Variants in KMT2C observed in about 807,000 individuals in gnomAD.
KMT2C encodes lysine methyltransferase 2C, also known as histone-lysine N-methyltransferase 2C.
KMT2C carries 88 observed loss-of-function variants against 507.9 expected under a neutral mutation model. The observed-to-expected ratio is 0.17, with a 90% CI of 0.15 to 0.21. The LOEUF (loss-of-function observed/expected upper bound fraction) is 0.21. Among genes scored for constraint, KMT2C ranks in the 10% least tolerant of loss-of-function variants. The pLI, the probability that KMT2C is intolerant of heterozygous loss-of-function variation, is 1.00. For synonymous variants in KMT2C, 2,049 were observed against 2,080.8 expected (o/e 0.98, Z 0.42); for missense variants, 4,954 against 5,957.8 (o/e 0.83, Z 5.55).
rs368026476 is a variant in KMT2C, at chr7:152,250,838, A to T, written c.1735+15T>A. ...TTTTCTTCAAAAACAGAGTATATCC[A>T]TTAAACATTCTTACCATCTGGAACA... On this transcript the variant is annotated intron_variant, in intron 12 of 58. Coordinates refer to ENST00000262189, the MANE Select transcript of KMT2C (RefSeq NM_170606.3). 1 of 1,330,230 alleles carries T rather than the reference A, an allele frequency of 7.5e-7. No homozygotes were observed. The highest frequency in any genetic ancestry group is 1.4e-5 in the African/African-American group (1 of 69,236). 82.4% of individuals were successfully genotyped at this position (1,330,230 alleles called of 1,614,324 possible).
intron 23 of KMT2C, among the ~76,000 whole-genome samples, chr7:152,209,344 C>T (rs1563402745): frequency 6.6e-6 from 1 of 150,808 alleles, no homozygotes; most frequent in Non-Finnish European, 1.5e-5. Flanking sequence ...GTAGTCCCAG[C>T]TACGTGGGAG....
At chr7:152,259,261 T>C (rs2095714640) in intron 9 of KMT2C, among the ~76,000 whole-genome samples, 2 of 152,100 alleles carry the variant, frequency 1.3e-5, no homozygotes, top group African/African-American at 2.4e-5. Flanking sequence ...GCTAGTACAT[T>C]AGATAAACAT....
chr7:152,367,593 A>T, intron 1 of KMT2C: 2 of 1,287,962 alleles, frequency 1.6e-6, no homozygotes, highest in Non-Finnish European at 2.2e-6. Flanking sequence ...CAGAGTATCC[A>T]GGTCCTTCTC....
intron 31 of KMT2C, among the ~76,000 whole-genome samples, chr7:152,188,158 G>T (rs1187266521): frequency 6.6e-6 from 1 of 152,076 alleles, no homozygotes; most frequent in Non-Finnish European, 1.5e-5. Flanking sequence ...AACCTTTAAT[G>T]CAATTTAAAA....
intron 1 of KMT2C, among the ~76,000 whole-genome samples, chr7:152,432,794 T>C (rs28601611): frequency 1.3e-5 from 2 of 152,146 alleles, no homozygotes; most frequent in Non-Finnish European, 1.5e-5. Context: ...GAAAGTGTAA[T>C]TGGTGGTGCA....
At chr7:152,397,823 C>A (rs573999323) in intron 1 of KMT2C, among the ~76,000 whole-genome samples, 2 of 152,180 alleles carry the variant, frequency 1.3e-5, no homozygotes, top group Non-Finnish European at 2.9e-5. Flanking sequence ...CCTGCCACCA[C>A]GTAAGACATG....
At chr7:152,400,183 G>A (rs1414238321) in intron 1 of KMT2C, among the ~76,000 whole-genome samples, 9 of 152,042 alleles carry the variant, frequency 5.9e-5, no homozygotes, top group Non-Finnish European at 1.2e-4. Flanking sequence ...GTGGTAGCAG[G>A]TGCCTGTAGT....
At chr7:152,169,782 G>A (rs2092880741) in intron 40 of KMT2C, among the ~76,000 whole-genome samples, 1 of 152,186 alleles carries the variant, frequency 6.6e-6, no homozygotes, top group Non-Finnish European at 1.5e-5. Context: ...GGCTGAGGTG[G>A]TAGGATCGCT....
intron 1 of KMT2C, among the ~76,000 whole-genome samples, chr7:152,369,344 A>C (rs181612095): frequency 2.1e-3 from 321 of 152,226 alleles, no homozygotes; most frequent in African/African-American, 6.9e-3. Flanking sequence ...AAAACAAAAA[A>C]AAAAACAAGA....
chr7:152,329,337 G>A lies in KMT2C; in HGVS notation c.389+1264C>T, dbSNP rs955476763. Among the ~76,000 whole-genome samples the A allele has an allele frequency of 2.0e-4, 31 of 152,120 alleles. 1 individual carries two copies. Among genetic ancestry groups the A allele is most frequent in the African/African-American group, 7.5e-4 (31 of 41,434 alleles). On this transcript the variant is annotated intron_variant, in intron 3 of 58. Transcript: ENST00000262189. ...TCCACCACTTAGGGAGGCTGAGACA[G>A]GAGGATTGCTTTAGCCCAGGAGTTC... is the stretch of plus-strand genomic sequence containing the variant.
At chr7:152,295,956 T>C (rs1382692756) in intron 6 of KMT2C, among the ~76,000 whole-genome samples, 1 of 149,562 alleles carries the variant, frequency 6.7e-6, no homozygotes, top group Non-Finnish European at 1.5e-5. Context: ...TAGTCCCAGC[T>C]ACTCGGGAGG....
chr7:152,227,591 G>C (rs1326341879), intron 18 of KMT2C, among the ~76,000 whole-genome samples: 2 of 152,220 alleles, frequency 1.3e-5, no homozygotes, highest in Admixed American at 1.3e-4. Flanking sequence ...CCAGAATGCT[G>C]CCCAGGGAGG....
intron 6 of KMT2C, among the ~76,000 whole-genome samples, chr7:152,279,800 G>C (rs944383466): frequency 1.3e-5 from 2 of 152,062 alleles, no homozygotes; most frequent in Admixed American, 1.3e-4. Flanking sequence ...CCTCCCTGCT[G>C]CCACAGTAAT....
rs143501842 is a variant in KMT2C at position 152,202,616 on chromosome 7, T to C, written c.4092+318A>G. 2.2e-4 allele frequency among the ~76,000 whole-genome samples: 33 copies of C among 152,312 alleles called. 1 individual carries two copies. The highest frequency in any genetic ancestry group is 6.7e-4 in the African/African-American group (28 of 41,588). On this transcript the variant is annotated intron_variant, in intron 26 of 58. Coordinates refer to ENST00000262189, the MANE Select transcript of KMT2C (RefSeq NM_170606.3). ...AAAGGAAATTTCAACAGAACTTGGG[T>C]GTGGGGTATACATAGCTATCAATGA...
In KMT2C at chr7:152,180,922, A is replaced by G; in HGVS notation, c.6938T>C (p.Phe2313Ser). ...PMTPRSQSDS[F>S]GTSQTAHDVA... The stretch of plus-strand genomic sequence containing the variant: ...ATCATGGGCAGTTTGACTTGTTCCA[A>G]AAGAGTCAGACTGAGATCTTGGAGT... Residue 2313 changes from phenylalanine to serine, a missense_variant, in exon 36 of 59, where the codon TTT becomes TCT. Coordinates refer to ENST00000262189, the MANE Select transcript of KMT2C (RefSeq NM_170606.3). 3 of 1,614,172 alleles carry G rather than the reference A, an allele frequency of 1.9e-6. No individual in the cohort carries two copies. The highest frequency in any genetic ancestry group is 1.6e-4 in the Middle Eastern group (1 of 6,062).
intron 1 of KMT2C, among the ~76,000 whole-genome samples, chr7:152,432,503 TAAGGA>T (rs1414416260): frequency 6.6e-6 from 1 of 152,236 alleles, no homozygotes; most frequent in Non-Finnish European, 1.5e-5. Context: ...TTTTTACAGT[TAAGGA>T]AAACTTTCAA....
At chr7:152,319,133 C>T (rs2096748245) in intron 3 of KMT2C, among the ~76,000 whole-genome samples, 1 of 152,200 alleles carries the variant, frequency 6.6e-6, no homozygotes, top group South Asian at 2.1e-4. Context: ...AAGGTATATA[C>T]GAAACATAAA....
chr7:152,171,687 G>A (rs969641009), intron 39 of KMT2C, among the ~76,000 whole-genome samples: 1 of 152,168 alleles, frequency 6.6e-6, no homozygotes, highest in African/African-American at 2.4e-5. Context: ...TCCACTTTAC[G>A]ATAAAATGAA....
chr7:152,304,729 C>T (rs1162984742), intron 6 of KMT2C, among the ~76,000 whole-genome samples: 2 of 151,924 alleles, frequency 1.3e-5, no homozygotes, highest in African/African-American at 2.4e-5. Flanking sequence ...TTAATAGAGA[C>T]GAGATCTCAC....
Sources: gnomAD v4.1 joint callset for allele counts (sites outside exome capture counted in the v4.1 genomes callset) on GRCh38, gnomAD v4.1.1 for gene constraint, MANE v1.5 for transcripts, NCBI Gene and HGNC (gene_info 2026-07-23, HGNC 2026-07-21) for gene names.